The following GLDC variants were observed in gnomAD, a reference collection of about 807,000 sequenced individuals.
GLDC encodes glycine dehydrogenase (decarboxylating), mitochondrial.
Under a neutral mutation model 121.3 loss-of-function variants are expected in GLDC, and 104 were observed. That is an observed-to-expected ratio of 0.86 (90% CI 0.73 to 1.01). The LOEUF is 1.01. Among genes scored for constraint, GLDC ranks in the 50% least tolerant of loss-of-function variants. The pLI, the probability that GLDC is intolerant of heterozygous loss-of-function variation, is 0.00. For missense variants in GLDC, 1,429 were observed against 1,306.6 expected (o/e 1.09, Z -1.44); for synonymous variants, 546 against 480.6 (o/e 1.14, Z -1.78).
chr9:6,583,163 T>C (rs1385098024), intron 15 of GLDC, among the ~76,000 whole-genome samples: 1 of 152,022 alleles, frequency 6.6e-6, no homozygotes, highest in African/African-American at 2.4e-5. Context: ...CGGCGATTCC[T>C]CAAAAAATTA....
chr9:6,536,251 A>T lies in GLDC; in HGVS notation c.2666-15T>A. 1 of 1,611,396 alleles carries T rather than the reference A, an allele frequency of 6.2e-7. No homozygotes were observed. Among genetic ancestry groups the T allele is most frequent in the Non-Finnish European group, 8.5e-7 (1 of 1,178,652 alleles). ...GGCGTGAAATCCTGCAAAGGGAGACAGGAGAACTTGCCTCACTGAAGGTCA... is the reference window on the plus strand; with the variant it reads ...GGCGTGAAATCCTGCAAAGGGAGACTGGAGAACTTGCCTCACTGAAGGTCA... On this transcript the variant is annotated splice_polypyrimidine_tract_variant and intron_variant, in intron 22 of 24. Coordinates refer to ENST00000321612, the MANE Select transcript of GLDC (RefSeq NM_000170.3).
intron 15 of GLDC, among the ~76,000 whole-genome samples, chr9:6,586,189 G>C (rs1264667249): frequency 6.6e-6 from 1 of 152,052 alleles, no homozygotes; most frequent in Non-Finnish European, 1.5e-5. Flanking sequence ...CAGCTACTCG[G>C]GAGGCTGAGG....
At chr9:6,585,171 C>T (rs895023803) in intron 15 of GLDC, 1 of 152,184 alleles carries the variant, frequency 6.6e-6, no homozygotes, top group Non-Finnish European at 1.5e-5. Flanking sequence ...TAAACCACTG[C>T]TTTAAGAAGA....
At chr9:6,592,711 T>C (rs1818398469) in intron 10 of GLDC, 140 bp downstream of exon 10, 1 of 757,978 alleles carries the variant, frequency 1.3e-6, no homozygotes, top group African/African-American at 1.8e-5. Flanking sequence ...TTGCATAATG[T>C]AAATAACACT....
At chr9:6,586,996 C>G (rs1279648390) in intron 15 of GLDC, 145 bp downstream of exon 15, 10 of 726,968 alleles carry the variant, frequency 1.4e-5, no homozygotes, top group Admixed American at 4.1e-5. Context: ...GATGCACCTT[C>G]TAGCCATGCT....
chr9:6,579,909 G>C (rs1431382589), intron 15 of GLDC, among the ~76,000 whole-genome samples: 2 of 152,166 alleles, frequency 1.3e-5, no homozygotes, highest in Non-Finnish European at 2.9e-5. Context: ...TCACCCTTAG[G>C]GCTGAGTTCA....
intron 22 of GLDC, 29 bp downstream of exon 22, chr9:6,540,022 C>G (rs778823649): frequency 2.2e-6 from 3 of 1,374,690 alleles, no homozygotes; most frequent in Non-Finnish European, 3.1e-6. Context: ...CCAGCATGGG[C>G]GGCGGCATGA....
rs2282159 is a variant in GLDC at position 6,534,989 on chromosome 9, C to T, written c.2839-201G>A. 0.42 allele frequency among the ~76,000 whole-genome samples: 64,208 copies of T among 151,946 alleles called. 13,905 individuals carry two copies. Among genetic ancestry groups the T allele is most frequent in the Admixed American group, 0.51 (7,780 of 15,274 alleles). ...ACGTTATGGTAATAATCATCACATC[C>T]ACCACCCAGTAAAGTCTAATGAGCA... is the stretch of plus-strand genomic sequence containing the variant. On this transcript the variant is annotated intron_variant, in intron 23 of 24. Transcript: ENST00000321612.
At chr9:6,600,922 C>A (rs755356543) in intron 8 of GLDC, among the ~76,000 whole-genome samples, 2 of 152,152 alleles carry the variant, frequency 1.3e-5, no homozygotes, top group Non-Finnish European at 2.9e-5. Context: ...TGCTTGTAAT[C>A]CCAACACTTT....
chr9:6,537,854 A>C (rs1817168067), intron 22 of GLDC, among the ~76,000 whole-genome samples: 1 of 152,040 alleles, frequency 6.6e-6, no homozygotes, highest in Admixed American at 6.6e-5. Context: ...CACCACCTAG[A>C]TTCTACAATG....
intron 15 of GLDC, among the ~76,000 whole-genome samples, chr9:6,573,403 G>A (rs1373629823): frequency 1.3e-5 from 2 of 152,192 alleles, no homozygotes; most frequent in South Asian, 2.1e-4. Context: ...AGACGTTGCA[G>A]TGAGCTGAGA....
At chr9:6,534,830 ACTCT>A (rs761864893) in intron 23 of GLDC, 42 bp from the exon 24 acceptor site, 28 of 1,044,180 alleles carry the variant, frequency 2.7e-5, no homozygotes, top group Non-Finnish European at 3.6e-5. Flanking sequence ...AGAGCAATAC[ACTCT>A]CTTCTCCTCC....
chr9:6,627,112 G>A (rs533268189), intron 2 of GLDC, among the ~76,000 whole-genome samples: 5 of 151,902 alleles, frequency 3.3e-5, no homozygotes, highest in African/African-American at 4.8e-5. Context: ...TGGCTAACAC[G>A]GTGAAACCCC....
At chr9:6,626,854 C>T (rs1819253088) in intron 2 of GLDC, among the ~76,000 whole-genome samples, 1 of 152,174 alleles carries the variant, frequency 6.6e-6, no homozygotes, top group South Asian at 2.1e-4. Flanking sequence ...TGTCCTCAAA[C>T]AGTAAGGAAG....
At chr9:6,575,295 A>G (rs1236458302) in intron 15 of GLDC, among the ~76,000 whole-genome samples, 1 of 151,940 alleles carries the variant, frequency 6.6e-6, no homozygotes, top group Non-Finnish European at 1.5e-5. Flanking sequence ...TGGTTTGTGC[A>G]GTAGGTAGGG....
intron 3 of GLDC, among the ~76,000 whole-genome samples, chr9:6,618,324 A>C (rs1430395709): frequency 6.6e-6 from 1 of 152,176 alleles, no homozygotes; most frequent in Non-Finnish European, 1.5e-5. Flanking sequence ...CCCAGTGAAC[A>C]GCAGAGGCAG....
rs1338581320 is a variant in GLDC, at chr9:6,612,630, T to TGAGGAGGCGGATCACGAGGTC, written c.471-2295_471-2275dup. On this transcript the variant is annotated intron_variant, in intron 3 of 24. Transcript: ENST00000321612. Reference sequence around the variant, plus strand: ...AAGTAATCCCAGCACGTTGGGAGGCTGAGGAGGCGGATCACGAGGTCAGGA... The same window carrying TGAGGAGGCGGATCACGAGGTC: ...AAGTAATCCCAGCACGTTGGGAGGCTGAGGAGGCGGATCACGAGGTCGAGGAGGCGGATCACGAGGTCAGGA... Among the ~76,000 whole-genome samples the TGAGGAGGCGGATCACGAGGTC allele has an allele frequency of 8.6e-5, 13 of 152,040 alleles. No homozygotes were observed. The East Asian group carries it at 2.1e-3, about 25-fold the overall frequency.
intron 2 of GLDC, among the ~76,000 whole-genome samples, chr9:6,635,062 G>T (rs550461738): frequency 6.6e-6 from 1 of 152,150 alleles, no homozygotes; most frequent in Non-Finnish European, 1.5e-5. Flanking sequence ...AAATAACCAC[G>T]TATTTCCACA....
At chr9:6,624,984 T>C (rs1275594548) in intron 2 of GLDC, among the ~76,000 whole-genome samples, 2 of 134,920 alleles carry the variant, frequency 1.5e-5, no homozygotes, top group African/African-American at 5.8e-5. Flanking sequence ...CGAGACACTG[T>C]CTCCAGAAAA....
Sources: allele counts gnomAD v4.1 joint callset (sites outside exome capture counted in the v4.1 genomes callset), GRCh38; gene constraint gnomAD v4.1.1; transcripts MANE v1.5; gene names NCBI Gene and HGNC (gene_info 2026-07-23, HGNC 2026-07-21).